The following KLRG1 variants were observed in gnomAD, a reference collection of about 807,000 sequenced individuals.
KLRG1 encodes the protein killer cell lectin-like receptor subfamily G member 1.
KLRG1 carries 16 observed loss-of-function variants against 21.8 expected under a neutral mutation model. That is an observed-to-expected ratio of 0.73 (90% confidence interval 0.50 to 1.11). The LOEUF is 1.11. Among genes scored for constraint, KLRG1 ranks in the 50% most tolerant of loss-of-function variants. The pLI is 0.00. For missense variants in KLRG1, 173 were observed against 218.3 expected (o/e 0.79, Z 1.31); for synonymous variants, 69 against 75.9 (o/e 0.91, Z 0.47).
At chr12:9,069,747 T>C in the KLRG1 span, 11 of 1,611,750 alleles carry the variant, frequency 6.8e-6, no homozygotes, top group Non-Finnish European at 1.7e-6. Flanking sequence ...TCTCTTACCT[T>C]ATCAAGGTAA....
the KLRG1 span, among the ~76,000 whole-genome samples, chr12:9,102,464 C>T: frequency 6.6e-6 from 1 of 152,190 alleles, no homozygotes; most frequent in South Asian, 2.1e-4. Flanking sequence ...AATCCACCCA[C>T]CTCAGCCTCC....
intron 3 of KLRG1, among the ~76,000 whole-genome samples, chr12:9,002,583 T>C (rs1440592968): frequency 1.3e-5 from 2 of 152,008 alleles, no homozygotes; most frequent in Admixed American, 6.6e-5. Context: ...TTGTTGTTGT[T>C]GTTGTTGTTG....
chr12:8,998,005 A>G (rs186606054), intron 3 of KLRG1, among the ~76,000 whole-genome samples: 1 of 152,224 alleles, frequency 6.6e-6, no homozygotes, highest in East Asian at 1.9e-4. Flanking sequence ...AGAGTTCAAC[A>G]TCCCCATTTT....
chr12:9,201,921 C>A, the KLRG1 span, among the ~76,000 whole-genome samples: 2 of 151,718 alleles, frequency 1.3e-5, no homozygotes, highest in African/African-American at 4.8e-5. Flanking sequence ...CTATATGTAT[C>A]GAATATATAA....
chr12:9,132,690 G>A, the KLRG1 span, among the ~76,000 whole-genome samples: 2 of 152,030 alleles, frequency 1.3e-5, no homozygotes, highest in African/African-American at 4.8e-5. Context: ...AAAAAATATG[G>A]ATTTCAAATG....
At chr12:8,983,179 C>T (rs774274942) in intron 1 of KLRG1, among the ~76,000 whole-genome samples, 2 of 151,572 alleles carry the variant, frequency 1.3e-5, no homozygotes, top group East Asian at 3.9e-4. Flanking sequence ...TATATATTTA[C>T]CATTTCTGTT....
the KLRG1 span, among the ~76,000 whole-genome samples, chr12:9,087,620 A>G: frequency 6.6e-6 from 1 of 152,102 alleles, no homozygotes; most frequent in Non-Finnish European, 1.5e-5. Context: ...ATAATAGTGT[A>G]TTTTATGTTT....
the KLRG1 span, among the ~76,000 whole-genome samples, chr12:9,188,748 A>C: frequency 6.6e-6 from 1 of 152,248 alleles, no homozygotes; most frequent in Middle Eastern, 3.2e-3. Flanking sequence ...CCAAAAGCCA[A>C]ATCAGGAATG....
the KLRG1 span, chr12:9,196,977 A>G: frequency 7.0e-7 from 1 of 1,430,520 alleles, no homozygotes; most frequent in Non-Finnish European, 9.8e-7. Flanking sequence ...GGTTGTAAAC[A>G]GTGATAGCAC....
upstream of KLRG1, among the ~76,000 whole-genome samples, chr12:8,984,617 T>C (rs1447555802): frequency 6.6e-6 from 1 of 152,184 alleles, no homozygotes; most frequent in Non-Finnish European, 1.5e-5. Context: ...TTGATTCTTT[T>C]TGGTAGTTTC....
At chr12:9,120,852 C>CTGTGTGTGTGTGTGTGT in the KLRG1 span, among the ~76,000 whole-genome samples, 4 of 143,408 alleles carry the variant, frequency 2.8e-5, no homozygotes, top group Non-Finnish European at 6.1e-5. Flanking sequence ...ATCCCACTAA[C>CTGTGTGTGTGTGTGTGT]GTGTGTGTGT....
At chr12:9,095,431 T>G in the KLRG1 span, 1 of 1,090,318 alleles carries the variant, frequency 9.2e-7, no homozygotes, top group Non-Finnish European at 1.3e-6. Flanking sequence ...CCTCTTTATA[T>G]CCCATTACCC....
the KLRG1 span, among the ~76,000 whole-genome samples, chr12:9,096,389 T>C: frequency 5.9e-5 from 9 of 152,162 alleles, no homozygotes; most frequent in Non-Finnish European, 1.3e-4. Context: ...AAGGAAATGA[T>C]AGTTTTGTGC....
chr12:9,123,491 A>T, the KLRG1 span, among the ~76,000 whole-genome samples: 1 of 152,230 alleles, frequency 6.6e-6, no homozygotes, highest in Non-Finnish European at 1.5e-5. Flanking sequence ...CAGCATATAC[A>T]GCATGGATAC....
intron 1 of KLRG1, among the ~76,000 whole-genome samples, chr12:8,966,565 C>T (rs1946476463): frequency 6.6e-6 from 1 of 152,106 alleles, no homozygotes; most frequent in Non-Finnish European, 1.5e-5. Flanking sequence ...ATTTATGCAG[C>T]CAAAAAACAC....
chr12:8,952,003 T>TG (rs775707827), intron 1 of KLRG1, among the ~76,000 whole-genome samples: 6 of 152,252 alleles, frequency 3.9e-5, no homozygotes, highest in Non-Finnish European at 7.3e-5. Flanking sequence ...GGGTGCTTTC[T>TG]GTGTTAGAAT....
chr12:9,015,592 G>A (rs117856220), downstream of KLRG1, among the ~76,000 whole-genome samples: 4,134 of 152,264 alleles, frequency 0.027, 83 homozygotes, highest in Non-Finnish European at 0.043. Flanking sequence ...CTCAGCATTA[G>A]ACATATCATC....
chr12:8,952,020 C>T (rs935676658), intron 1 of KLRG1, among the ~76,000 whole-genome samples: 1 of 152,196 alleles, frequency 6.6e-6, no homozygotes, highest in African/African-American at 2.4e-5. Context: ...GAATTCTCAC[C>T]TCTGAGAACT....
the KLRG1 span, chr12:9,182,197 TGC>T: frequency 7.9e-6 from 11 of 1,400,350 alleles, no homozygotes; most frequent in African/African-American, 1.4e-5. Context: ...AGGACACTAT[TGC>T]TTGGTCTTAT....
Sources: allele counts gnomAD v4.1 joint callset (sites outside exome capture counted in the v4.1 genomes callset), GRCh38; gene constraint gnomAD v4.1.1; transcripts MANE v1.5; gene names NCBI Gene and HGNC (gene_info 2026-07-23, HGNC 2026-07-21).